Variants in CRMP1 observed in about 807,000 individuals in gnomAD.
CRMP1 encodes collapsin response mediator protein 1, also known as dihydropyrimidinase-related protein 1.
A neutral mutation model predicts 68.3 loss-of-function variants in CRMP1; 19 were observed. The observed-to-expected ratio is 0.28, with a 90% CI of 0.19 to 0.41. The LOEUF (loss-of-function observed/expected upper bound fraction) is 0.41. CRMP1 is among the 10% of genes least tolerant of loss of function. The pLI is 1.00. For synonymous variants in CRMP1, 439 were observed against 399.6 expected (o/e 1.10, Z -1.18); for missense variants, 791 against 967.4 (o/e 0.82, Z 2.42).
intron 1 of CRMP1, chr4:5,887,510 G>C: frequency 1.0e-6 from 1 of 984,938 alleles, no homozygotes; most frequent in Non-Finnish European, 1.2e-6. Context: ...CCGAGACAAA[G>C]CGTAAAGACG....
In CRMP1 at chr4:5,861,773, A is replaced by G. The variant is rs1232304212; in HGVS notation, c.471-563T>C. ...TGGGGGAAGAGGCTCAGCCAGAACC[A>G]GGAAAGGAACCCTGCAGCATCCAAG... is the stretch of plus-strand genomic sequence containing the variant. On this transcript the variant is annotated intron_variant, in intron 2 of 13. Coordinates refer to ENST00000324989, the MANE Select transcript of CRMP1 (RefSeq NM_001014809.3). This position sits in a 1 kb window ranked among gnomAD's most constrained non-coding sequence, Gnocchi z 6.0. Among the ~76,000 whole-genome samples, 1 of 152,190 alleles carries G rather than the reference A, an allele frequency of 6.6e-6. No individual in the cohort carries two copies. The highest frequency in any genetic ancestry group is 2.4e-5 in the African/African-American group (1 of 41,440).
chr4:5,827,619 C>T (rs73206292), intron 12 of CRMP1, among the ~76,000 whole-genome samples: 8,084 of 151,868 alleles, frequency 0.053, 229 homozygotes, highest in African/African-American at 0.063. Context: ...TACACACACG[C>T]GCACACACAC....
At position 5,888,222 on chromosome 4, in the gene CRMP1, G is replaced by C; in HGVS notation, c.381+4367C>G. 1.6e-6 allele frequency: 2 copies of C among 1,268,940 alleles called. No homozygotes were observed. Among genetic ancestry groups the C allele is most frequent in the Non-Finnish European group, 2.0e-6 (2 of 1,002,364 alleles). The allele number at this position is 1,268,940 out of a possible 1,614,324, so 78.6% of individuals were successfully genotyped here. On this transcript the variant is annotated intron_variant, in intron 1 of 13. Transcript: ENST00000324989. The surrounding 1 kb of genome is among the most constrained non-coding windows in gnomAD (Gnocchi z 6.4). ...GCGCGGGGCGGCGGGGGCGGGGGCC[G>C]CTTACCGTGATGTGCGGGATGCTCT...
At chr4:5,837,760 C>T (rs1720828505) in intron 9 of CRMP1, among the ~76,000 whole-genome samples, 2 of 152,032 alleles carry the variant, frequency 1.3e-5, no homozygotes, top group South Asian at 4.2e-4. Context: ...AGGCTGTCCT[C>T]CAATCCAGAG....
At chr4:5,844,119 G>A (rs1002160713) in intron 6 of CRMP1, among the ~76,000 whole-genome samples, 19 of 152,202 alleles carry the variant, frequency 1.2e-4, no homozygotes, top group South Asian at 6.2e-4. Flanking sequence ...TCAACTGCGC[G>A]TCTATGGTTA....
intron 2 of CRMP1, among the ~76,000 whole-genome samples, chr4:5,864,803 G>A (rs1713869000): frequency 6.6e-6 from 1 of 152,130 alleles, no homozygotes; most frequent in African/African-American, 2.4e-5. Flanking sequence ...GGGACTGATG[G>A]GTGCAAGGCT....
chr4:5,878,096 A>T (rs763697387), intron 1 of CRMP1, among the ~76,000 whole-genome samples: 17 of 152,164 alleles, frequency 1.1e-4, no homozygotes, highest in African/African-American at 3.9e-4. Context: ...TTAATTCTTA[A>T]ATCACCTTAA....
At position 5,865,422 on chromosome 4, in the gene CRMP1, C is replaced by G. The variant is rs1713914917; in HGVS notation, c.470+1246G>C. Among the ~76,000 whole-genome samples, 1 of 152,004 alleles carries G rather than the reference C, an allele frequency of 6.6e-6. No homozygotes were observed. Among genetic ancestry groups the G allele is most frequent in the African/African-American group, 2.4e-5 (1 of 41,382 alleles). On this transcript the variant is annotated intron_variant, in intron 2 of 13. Coordinates refer to ENST00000324989, the MANE Select transcript of CRMP1 (RefSeq NM_001014809.3). The surrounding 1 kb of genome is among the most constrained non-coding windows in gnomAD (Gnocchi z 4.1). ...GGATCACGAGGTCAGGAGATCGAGACCATCCTGGCCAACATGGTGAAACCC... is the reference window on the plus strand; with the variant it reads ...GGATCACGAGGTCAGGAGATCGAGAGCATCCTGGCCAACATGGTGAAACCC...
rs1715812113 is a variant in CRMP1 at position 5,888,963 on chromosome 4, G to T, written c.381+3626C>A. Among the ~76,000 whole-genome samples, 1 of 151,822 alleles carries T rather than the reference G, an allele frequency of 6.6e-6. No individual in the cohort carries two copies. The highest frequency in any genetic ancestry group is 2.4e-5 in the African/African-American group (1 of 41,334). ...TCCATAGCCTCCGTTTATCCTTCCCGAGTGCCTCTCCCTGAATGCACCAAG... is the reference window on the plus strand; with the variant it reads ...TCCATAGCCTCCGTTTATCCTTCCCTAGTGCCTCTCCCTGAATGCACCAAG... On this transcript the variant is annotated intron_variant, in intron 1 of 13. Transcript: ENST00000324989. This position sits in a 1 kb window ranked among gnomAD's most constrained non-coding sequence, Gnocchi z 6.4.
At chr4:5,822,183 A>G (rs1432374579) in intron 13 of CRMP1, among the ~76,000 whole-genome samples, 2 of 152,210 alleles carry the variant, frequency 1.3e-5, no homozygotes, top group Non-Finnish European at 2.9e-5. Flanking sequence ...GTGCTTTAAC[A>G]TGTTACTGCA....
intron 11 of CRMP1, among the ~76,000 whole-genome samples, chr4:5,832,688 C>G (rs1720460449): frequency 1.3e-5 from 2 of 152,176 alleles, no homozygotes; most frequent in South Asian, 4.1e-4. Context: ...TGTCCTCTTG[C>G]TGCTATGAAA....
At chr4:5,867,386 C>A (rs1413655853) in intron 1 of CRMP1, among the ~76,000 whole-genome samples, 1 of 152,082 alleles carries the variant, frequency 6.6e-6, no homozygotes, top group Non-Finnish European at 1.5e-5. Flanking sequence ...GAAATTGGGT[C>A]ATTTGTAGAA....
At chr4:5,871,443 G>A (rs1042293792) in intron 1 of CRMP1, among the ~76,000 whole-genome samples, 3 of 152,010 alleles carry the variant, frequency 2.0e-5, no homozygotes, top group South Asian at 2.1e-4. Flanking sequence ...GGCGGATCAC[G>A]AGGTCAGGAG....
chr4:5,824,791 A>G (rs1457299785), intron 13 of CRMP1: 1 of 921,828 alleles, frequency 1.1e-6, no homozygotes, highest in Non-Finnish European at 1.3e-6. Context: ...CAACGCCTCA[A>G]AGAGTTTGCA....
chr4:5,837,576 C>T (rs917303374), intron 9 of CRMP1, among the ~76,000 whole-genome samples: 4 of 149,738 alleles, frequency 2.7e-5, no homozygotes, highest in Admixed American at 6.7e-5. Flanking sequence ...TGCAGTGAAC[C>T]GAGATTGCAC....
intron 6 of CRMP1, among the ~76,000 whole-genome samples, chr4:5,848,106 G>A (rs1207671583): frequency 1.3e-5 from 2 of 150,072 alleles, no homozygotes; most frequent in African/African-American, 2.5e-5. Flanking sequence ...CATTTCTTAT[G>A]AGACTTGCTG....
intron 6 of CRMP1, among the ~76,000 whole-genome samples, chr4:5,846,954 A>G (rs1003845649): frequency 6.6e-6 from 1 of 151,868 alleles, no homozygotes; most frequent in Non-Finnish European, 1.5e-5. Flanking sequence ...AGGCTGAGAA[A>G]ACCACTCAGC....
rs188868265 is a variant in CRMP1 at position 5,882,691 on chromosome 4, C to T, written c.381+9898G>A. On this transcript the variant is annotated intron_variant, in intron 1 of 13. Coordinates refer to ENST00000324989, the MANE Select transcript of CRMP1 (RefSeq NM_001014809.3). ...TAAGTAAAACAGCCAGGATTCAAAG[C>T]CAGATAGTCTGAGTTCAGAATCCAC... 2.2e-3 allele frequency among the ~76,000 whole-genome samples: 330 copies of T among 152,298 alleles called. 1 individual carries two copies. Among genetic ancestry groups the T allele is most frequent in the Non-Finnish European group, 3.9e-3 (268 of 68,028 alleles).
At position 5,891,638 on chromosome 4, in the gene CRMP1, C is replaced by T. The variant is rs1211065849; in HGVS notation, c.381+951G>A. On this transcript the variant is annotated intron_variant, in intron 1 of 13. Transcript: ENST00000324989. This position sits in a 1 kb window ranked among gnomAD's most constrained non-coding sequence, Gnocchi z 5.2. ...CTGGGCCTGGCACCTAGCAGTTCTC[C>T]GGCATCCAGGTCTGGACCAATTCGA... Among the ~76,000 whole-genome samples the T allele has an allele frequency of 1.3e-5, 2 of 152,154 alleles. No individual in the cohort carries two copies. Among genetic ancestry groups the T allele is most frequent in the Non-Finnish European group, 2.9e-5 (2 of 68,022 alleles).
Sources: gnomAD v4.1 joint callset for allele counts (sites outside exome capture counted in the v4.1 genomes callset) on GRCh38, gnomAD v4.1.1 for gene constraint, Gnocchi (gnomAD v3.1) non-coding constraint, MANE v1.5 for transcripts, NCBI Gene and HGNC (gene_info 2026-07-23, HGNC 2026-07-21) for gene names.